Variants in RFT1 observed in about 807,000 individuals in gnomAD.
The protein encoded by RFT1 is man(5)GlcNAc(2)-PP-dolichol translocation protein RFT1.
RFT1 carries 43 observed loss-of-function variants against 62.2 expected under a neutral mutation model. The ratio of observed to expected loss-of-function variants is 0.69; its 90% CI spans 0.54 to 0.89. The LOEUF (loss-of-function observed/expected upper bound fraction) is 0.89. RFT1 is among the 40% of genes least tolerant of loss of function. The pLI, the probability that RFT1 is intolerant of heterozygous loss-of-function variation, is 0.00. For synonymous variants in RFT1, 262 were observed against 264.6 expected (o/e 0.99, Z 0.10); for missense variants, 605 against 649.9 (o/e 0.93, Z 0.75).
chr3:53,068,689 G>T, the RFT1 span, among the ~76,000 whole-genome samples: 1 of 152,176 alleles, frequency 6.6e-6, no homozygotes, highest in Non-Finnish European at 1.5e-5. Context: ...TCCAGGTGGG[G>T]CAAAGGGAAG....
At position 53,104,004 on chromosome 3, in the gene RFT1, A is replaced by G; in HGVS notation, c.1051T>C (p.Ser351Pro). 9 of 1,614,238 alleles carry G rather than the reference A, an allele frequency of 5.6e-6. No homozygotes were observed. The South Asian group carries it at 9.9e-5, about 18-fold the overall frequency. ...LTITVFGFAYSQLALDIYGGT... is the reference protein window; with the variant it reads ...LTITVFGFAYPQLALDIYGGT... Reference sequence around the variant, plus strand: ...CCGTAGATATCCAGAGCCAGCTGAGAATAGGCAAAGCCAAAAACAGTGATG... The same window carrying G: ...CCGTAGATATCCAGAGCCAGCTGAGGATAGGCAAAGCCAAAAACAGTGATG... The change falls in exon 10 of 13, where the codon TCT becomes CCT. Residue 351 changes from serine to proline, a missense_variant. Coordinates refer to ENST00000296292, the MANE Select transcript of RFT1 (RefSeq NM_052859.4).
At chr3:53,106,561 C>T (rs1195502996) in intron 8 of RFT1, among the ~76,000 whole-genome samples, 1 of 152,152 alleles carries the variant, frequency 6.6e-6, no homozygotes, top group African/African-American at 2.4e-5. Context: ...CTTTTCTCCT[C>T]TCTTGGCACC....
At chr3:53,095,831 C>A (rs762753689) in intron 11 of RFT1, among the ~76,000 whole-genome samples, 1 of 152,052 alleles carries the variant, frequency 6.6e-6, no homozygotes, top group East Asian at 1.9e-4. Flanking sequence ...GCCATACAAT[C>A]GAGCCTTCAC....
chr3:53,126,216 G>C (rs1431795423), intron 1 of RFT1, among the ~76,000 whole-genome samples: 1 of 152,312 alleles, frequency 6.6e-6, no homozygotes, highest in East Asian at 1.9e-4. Context: ...AAGAACCCAG[G>C]AAGGCACTTG....
At position 53,119,871 on chromosome 3, in the gene RFT1, A is replaced by C. The variant is rs770242289; in HGVS notation, c.696+13T>G. The C allele has an allele frequency of 6.3e-7, 1 of 1,598,324 alleles. No individual in the cohort carries two copies. Among genetic ancestry groups the C allele is most frequent in the Non-Finnish European group, 8.6e-7 (1 of 1,169,118 alleles). On this transcript the variant is annotated intron_variant, in intron 6 of 12. Transcript: ENST00000296292. ...ATGATTAAAATGATAAGAGATAAAA[A>C]TGTATTACTTACTCCATTTCTTGTA...
chr3:53,076,049 G>T, the RFT1 span, among the ~76,000 whole-genome samples: 3 of 152,180 alleles, frequency 2.0e-5, no homozygotes, highest in Non-Finnish European at 4.4e-5. Context: ...GGTCACCCAG[G>T]ATGGACAGGG....
intron 6 of RFT1, among the ~76,000 whole-genome samples, chr3:53,114,910 T>C (rs976189460): frequency 6.6e-6 from 1 of 152,206 alleles, no homozygotes; most frequent in African/African-American, 2.4e-5. Flanking sequence ...CTTACCACAA[T>C]GACAAGAGTC....
intron 5 of RFT1, 143 bp from the exon 6 acceptor site, chr3:53,120,164 A>G (rs1164392647): frequency 3.0e-6 from 2 of 677,434 alleles, no homozygotes; most frequent in South Asian, 2.2e-5. Context: ...GGGAAATGGC[A>G]CTAGTCACTT....
At chr3:53,076,135 TC>T in the RFT1 span, among the ~76,000 whole-genome samples, 1 of 152,228 alleles carries the variant, frequency 6.6e-6, no homozygotes, top group Non-Finnish European at 1.5e-5. Context: ...CACAAAGTGG[TC>T]CCATTTGTGT....
At chr3:53,107,409 T>A (rs943831833) in intron 7 of RFT1, among the ~76,000 whole-genome samples, 4 of 152,110 alleles carry the variant, frequency 2.6e-5, no homozygotes, top group African/African-American at 9.7e-5. Flanking sequence ...AGTGCTGGGA[T>A]TACAGGCGTA....
intron 1 of RFT1, among the ~76,000 whole-genome samples, chr3:53,129,508 A>G (rs1012983930): frequency 6.6e-6 from 1 of 152,126 alleles, no homozygotes; most frequent in Non-Finnish European, 1.5e-5. Flanking sequence ...GGGGTAGGGT[A>G]GATTCGGGAC....
chr3:53,112,591 A>G (rs567850100), intron 6 of RFT1, among the ~76,000 whole-genome samples: 1 of 152,194 alleles, frequency 6.6e-6, no homozygotes, highest in African/African-American at 2.4e-5. Context: ...AAAAATACAA[A>G]AATTAGCTGG....
In RFT1 at chr3:53,104,160, T is replaced by C. The variant is rs1701398412; in HGVS notation, c.958-63A>G. On this transcript the variant is annotated intron_variant, in intron 9 of 12. Transcript: ENST00000296292. ...ATGAGCTGAAGAAAACCTTCATCCT[T>C]CACGTCTGGCCTTCTCCCTTCACTG... The C allele has an allele frequency of 8.4e-6, 13 of 1,552,470 alleles. No homozygotes were observed. In the South Asian group the frequency reaches 1.2e-4, roughly 15 times the overall value.
intron 10 of RFT1, among the ~76,000 whole-genome samples, chr3:53,101,095 T>C (rs1701299009): frequency 6.6e-6 from 1 of 152,182 alleles, no homozygotes; most frequent in African/African-American, 2.4e-5. Context: ...GTGGGACCCC[T>C]AAACAGTTTT....
At chr3:53,109,729 T>C (rs1038027470) in intron 7 of RFT1, among the ~76,000 whole-genome samples, 1 of 152,060 alleles carries the variant, frequency 6.6e-6, no homozygotes, top group African/African-American at 2.4e-5. Flanking sequence ...GGTGGGAGGA[T>C]CACTTGAGCC....
chr3:53,125,776 T>C (rs951906782), intron 2 of RFT1, 133 bp downstream of exon 2: 21 of 705,966 alleles, frequency 3.0e-5, no homozygotes, highest in Non-Finnish European at 4.7e-5. Flanking sequence ...CTCCTCAGCC[T>C]ACTGCTAAGA....
chr3:53,070,392 G>GTTTTT, the RFT1 span, among the ~76,000 whole-genome samples: 9 of 22,528 alleles, frequency 4.0e-4, no homozygotes, highest in Non-Finnish European at 7.2e-4. Flanking sequence ...CCTGTATTAT[G>GTTTTT]GTTTTTTTTT....
the RFT1 span, among the ~76,000 whole-genome samples, chr3:53,073,824 C>G: frequency 6.6e-6 from 1 of 152,294 alleles, no homozygotes; most frequent in East Asian, 1.9e-4. Flanking sequence ...CCCTACCCAG[C>G]CCTGCGGGAG....
Position 53,105,797 on chromosome 3 carries a change from T to C in RFT1, c.833A>G (p.Tyr278Cys). ...NVLNFGDQGV[Y>C]DIVNNLGSLV... ...GGAGCCAAGATTATTCACTATATCA[T>C]ACACACCTACAAAACAAAAAAGAAG... Residue 278 changes from tyrosine (Y) to cysteine (C), a missense_variant, in exon 9 of 13, where the codon TAT (tyrosine) becomes TGT (cysteine). Physicochemically the swap from Tyr to Cys is radical, Grantham distance 194. Coordinates refer to ENST00000296292, the MANE Select transcript of RFT1 (RefSeq NM_052859.4). The C allele has an allele frequency of 6.2e-7, 1 of 1,613,124 alleles. No homozygotes were observed. Among genetic ancestry groups the C allele is most frequent in the Non-Finnish European group, 8.5e-7 (1 of 1,179,464 alleles).
Sources: gnomAD v4.1 joint callset for allele counts (sites outside exome capture counted in the v4.1 genomes callset) on GRCh38, gnomAD v4.1.1 for gene constraint, MANE v1.5 for transcripts, NCBI Gene and HGNC (gene_info 2026-07-23, HGNC 2026-07-21) for gene names.